The following MORC1 variants were observed in gnomAD, a reference collection of about 807,000 sequenced individuals.
The protein encoded by MORC1 is MORC family CW-type zinc finger 1, also known as MORC family CW-type zinc finger protein 1.
Under a neutral mutation model 134.9 loss-of-function variants are expected in MORC1, and 59 were observed. The observed-to-expected ratio is 0.44, with a 90% CI of 0.35 to 0.54. The LOEUF is 0.54. Among genes scored for constraint, MORC1 ranks in the 20% least tolerant of loss-of-function variants. The pLI, the probability that MORC1 is intolerant of heterozygous loss-of-function variation, is 0.00. For missense variants in MORC1, 947 were observed against 1,134.5 expected, an observed-to-expected ratio of 0.83 and a Z score of 2.37; for synonymous variants, 395 against 391.7, an observed-to-expected ratio of 1.01 and a Z score of -0.10.
chr3:109,002,469 G>A (rs6437811), intron 20 of MORC1, among the ~76,000 whole-genome samples: 72,434 of 152,080 alleles, frequency 0.48, 20,397 homozygotes, highest in East Asian at 0.91. Flanking sequence ...ATAGCAGTGG[G>A]GTTGACCAAG....
intron 17 of MORC1, among the ~76,000 whole-genome samples, chr3:109,016,774 G>A (rs953747285): frequency 3.9e-5 from 6 of 152,170 alleles, no homozygotes; most frequent in Non-Finnish European, 8.8e-5. Flanking sequence ...TGAGGCAGGA[G>A]AATCGCTTAA....
At chr3:109,063,264 AGATT>A in intron 9 of MORC1, 33 bp from the exon 10 acceptor site, 1 of 1,358,930 alleles carries the variant, frequency 7.4e-7, no homozygotes, top group East Asian at 2.3e-5. Context: ...TAATCAAGTC[AGATT>A]ATCATTTTAA....
At chr3:109,014,268 TG>T (rs1948765120) in intron 17 of MORC1, among the ~76,000 whole-genome samples, 1 of 152,254 alleles carries the variant, frequency 6.6e-6, no homozygotes, top group Non-Finnish European at 1.5e-5. Context: ...TGTTGACATG[TG>T]GATCTCTTTC....
rs1328016065 is a variant in MORC1, at chr3:109,057,459, GGA to G, written c.1057_1058del (p.Ser353ProfsTer20). 1 of 1,603,166 alleles carries G rather than the reference GGA, an allele frequency of 6.2e-7. No individual in the cohort carries two copies. The highest frequency in any genetic ancestry group is 1.3e-5 in the African/African-American group (1 of 74,592). On this transcript the variant is annotated frameshift_variant, in exon 13 of 28. Coordinates refer to ENST00000232603, the MANE Select transcript of MORC1 (RefSeq NM_014429.4). LOFTEE classifies it high-confidence loss of function. The part of the protein sequence containing the change: ...QRELKTARTL[S>X]LFYGVNVENR... ...TTTCTACGTTCACTCCATAGAACAG[GGA>G]GAGCGTTCTTGCTGTTTTTAATTCT...
intron 13 of MORC1, 149 bp downstream of exon 13, chr3:109,057,194 G>T: frequency 1.3e-6 from 1 of 765,820 alleles, no homozygotes; most frequent in Non-Finnish European, 1.9e-6. Flanking sequence ...CAATGAGGCA[G>T]ATTAATGCCT....
intron 26 of MORC1, among the ~76,000 whole-genome samples, chr3:108,964,957 T>C (rs1466502178): frequency 6.6e-6 from 1 of 152,148 alleles, no homozygotes; most frequent in Non-Finnish European, 1.5e-5. Context: ...ACCTAACAAG[T>C]TGATGACTTA....
At chr3:109,019,802 G>A (rs542925210) in intron 17 of MORC1, among the ~76,000 whole-genome samples, 1 of 152,088 alleles carries the variant, frequency 6.6e-6, no homozygotes, top group Non-Finnish European at 1.5e-5. Context: ...CATCCTTCTC[G>A]TTAGGTTTCT....
chr3:109,088,692 C>A (rs1309004684), intron 8 of MORC1, among the ~76,000 whole-genome samples: 1 of 152,030 alleles, frequency 6.6e-6, no homozygotes, highest in Non-Finnish European at 1.5e-5. Flanking sequence ...ACCGTTCAAC[C>A]CAGGAACCCC....
intron 14 of MORC1, among the ~76,000 whole-genome samples, chr3:109,045,706 G>C (rs1376011208): frequency 6.6e-6 from 1 of 152,126 alleles, no homozygotes; most frequent in African/African-American, 2.4e-5. Context: ...TTGGCTCCTG[G>C]GTATGGTGGC....
rs779463106 is a variant in MORC1, at chr3:109,069,670, A to T, written c.777T>A (p.Val259=). Residue 259 remains valine (V), a synonymous_variant, in exon 9 of 28, where the codon GTT becomes GTA. Coordinates refer to ENST00000232603, the MANE Select transcript of MORC1 (RefSeq NM_014429.4). ...GGCAATAGCAAAGATGTTTAGTTTT[A>T]ACTCTCTTGGCTTGAATGAATATTC... The part of the protein sequence containing the change: ...WMRIFIQAKR[V]KTKHLCYCLY... The T allele has an allele frequency of 6.2e-7, 1 of 1,611,986 alleles. No individual in the cohort carries two copies. Among genetic ancestry groups the T allele is most frequent in the East Asian group, 2.2e-5 (1 of 44,826 alleles).
intron 21 of MORC1, among the ~76,000 whole-genome samples, chr3:108,989,919 C>T (rs1325815923): frequency 1.3e-5 from 2 of 152,172 alleles, no homozygotes; most frequent in African/African-American, 4.8e-5. Context: ...TTGTAGCTCC[C>T]ATAATCCCCA....
intron 4 of MORC1, among the ~76,000 whole-genome samples, chr3:109,102,662 CTG>C (rs1158804938): frequency 6.6e-6 from 1 of 152,114 alleles, no homozygotes; most frequent in East Asian, 1.9e-4. Context: ...CGTCACTTGT[CTG>C]TGTTTCAAAC....
Position 108,996,286 on chromosome 3 carries a change from G to GCGCGCGCGCACACACACACACACA in MORC1, c.2187+4270_2187+4271insTGTGTGTGTGTGTGTGCGCGCGCG. Among the ~76,000 whole-genome samples, 213 of 146,466 alleles carry GCGCGCGCGCACACACACACACACA rather than the reference G, an allele frequency of 1.5e-3. 2 individuals are homozygous for GCGCGCGCGCACACACACACACACA. Among genetic ancestry groups the GCGCGCGCGCACACACACACACACA allele is most frequent in the South Asian group, 3.3e-3 (15 of 4,544 alleles). On this transcript the variant is annotated intron_variant, in intron 21 of 27. Coordinates refer to ENST00000232603, the MANE Select transcript of MORC1 (RefSeq NM_014429.4). ...CATGTGCGCGTGCGTGCGCGCGCGCGCACACACACACACACACACACAACT... is the reference window on the plus strand; with the variant it reads ...CATGTGCGCGTGCGTGCGCGCGCGCGCGCGCGCGCACACACACACACACACACACACACACACACACACACAACT...
At chr3:109,047,073 C>T (rs768855799) in intron 14 of MORC1, among the ~76,000 whole-genome samples, 5 of 151,928 alleles carry the variant, frequency 3.3e-5, no homozygotes, top group African/African-American at 7.3e-5. Flanking sequence ...TGAATCTCAG[C>T]ATATTACTTC....
chr3:108,999,758 G>A (rs1486952863), intron 21 of MORC1, among the ~76,000 whole-genome samples: 1 of 151,962 alleles, frequency 6.6e-6, no homozygotes, highest in Non-Finnish European at 1.5e-5. Context: ...TAAGCTTCTT[G>A]GCAATCAAGG....
At chr3:109,009,987 A>G (rs1238231722) in intron 17 of MORC1, among the ~76,000 whole-genome samples, 2 of 152,086 alleles carry the variant, frequency 1.3e-5, no homozygotes, top group Admixed American at 6.6e-5. Flanking sequence ...ACTAATTGTA[A>G]GCAATTCTTT....
At position 109,100,605 on chromosome 3, in the gene MORC1, C is replaced by A. The variant is rs547490859; in HGVS notation, c.224-98G>T. On this transcript the variant is annotated intron_variant, in intron 4 of 27. Transcript: ENST00000232603. Reference sequence around the variant, plus strand: ...CCTCACATTCCTCAGAACATCAGGACAAACCCATAGCTCTTGGGTCAGCCC... The same window carrying A: ...CCTCACATTCCTCAGAACATCAGGAAAAACCCATAGCTCTTGGGTCAGCCC... The A allele has an allele frequency of 2.2e-5, 20 of 897,170 alleles. 1 individual carries two copies. The South Asian group carries it at 2.7e-4, about 12-fold the overall frequency. The allele number at this position is 897,170 out of a possible 1,614,324, so 55.6% of individuals were successfully genotyped here. A position where few individuals can be genotyped will look rare whatever the true frequency, so the allele number is the denominator to read the frequency against.
intron 8 of MORC1, among the ~76,000 whole-genome samples, chr3:109,074,823 T>A (rs1030536916): frequency 2.0e-5 from 3 of 152,208 alleles, no homozygotes; most frequent in African/African-American, 7.2e-5. Flanking sequence ...TTGTGGGGAT[T>A]ACTAAAATGT....
chr3:109,057,530 A>C, intron 12 of MORC1, 44 bp from the exon 13 acceptor site: 2 of 1,504,406 alleles, frequency 1.3e-6, no homozygotes, highest in Non-Finnish European at 1.8e-6. Context: ...TTATTAAATA[A>C]ACATACACAG....
Sources: allele counts gnomAD v4.1 joint callset (sites outside exome capture counted in the v4.1 genomes callset), GRCh38; gene constraint gnomAD v4.1.1; transcripts MANE v1.5; gene names NCBI Gene and HGNC (gene_info 2026-07-23, HGNC 2026-07-21).